The following OR6N1 variants were observed in gnomAD, a reference collection of about 807,000 sequenced individuals.
The protein encoded by OR6N1 is olfactory receptor family 6 subfamily N member 1.
For missense variants in OR6N1, 394 were observed against 371.7 expected (o/e 1.06, Z -0.49); for synonymous variants, 170 against 150.7 (o/e 1.13, Z -0.94).
the OR6N1 span, among the ~76,000 whole-genome samples, chr1:158,821,278 C>T: frequency 2.6e-5 from 4 of 152,298 alleles, no homozygotes; most frequent in Middle Eastern, 3.4e-3. Flanking sequence ...CAGAGGGGTA[C>T]ATTTGTTACA....
the OR6N1 span, among the ~76,000 whole-genome samples, chr1:158,795,686 C>T: frequency 8.1e-4 from 124 of 152,306 alleles, no homozygotes; most frequent in Non-Finnish European, 1.4e-3. Context: ...AGGGATAAGG[C>T]CTTCCCCCAT....
the OR6N1 span, among the ~76,000 whole-genome samples, chr1:158,811,998 T>G: frequency 1.1e-4 from 16 of 152,212 alleles, no homozygotes; most frequent in Admixed American, 1.0e-3. Flanking sequence ...AAGCCAAGAT[T>G]CCACTTCATC....
chr1:158,777,641 G>C, the OR6N1 span: 4 of 1,582,676 alleles, frequency 2.5e-6, no homozygotes, highest in Admixed American at 5.2e-5. Context: ...TCCATGGGAG[G>C]CTGAGGTAAA....
chr1:158,815,941 G>T, the OR6N1 span, among the ~76,000 whole-genome samples: 1 of 152,072 alleles, frequency 6.6e-6, no homozygotes, highest in Admixed American at 6.6e-5. Context: ...AGATCACGAG[G>T]TCAGGAGATC....
chr1:158,804,892 C>T, the OR6N1 span, among the ~76,000 whole-genome samples: 2 of 152,172 alleles, frequency 1.3e-5, no homozygotes, highest in Admixed American at 6.5e-5. Context: ...AACACTGTTG[C>T]TTCCCTTAAG....
chr1:158,777,626 A>T, the OR6N1 span: 3 of 1,609,910 alleles, frequency 1.9e-6, no homozygotes, highest in Admixed American at 1.7e-5. Context: ...GAATGGTTGT[A>T]TTGATCCATG....
At chr1:158,829,653 C>T in the OR6N1 span, among the ~76,000 whole-genome samples, 2 of 152,218 alleles carry the variant, frequency 1.3e-5, no homozygotes, top group East Asian at 1.9e-4. Context: ...TACCTGCTAC[C>T]TGTTACCCAG....
At chr1:158,786,751 T>C in the OR6N1 span, among the ~76,000 whole-genome samples, 1 of 152,278 alleles carries the variant, frequency 6.6e-6, no homozygotes, top group East Asian at 1.9e-4. Flanking sequence ...AATGGAAAAC[T>C]AAATATCATA....
upstream of OR6N1, chr1:158,775,163 C>A (rs1430906909): frequency 6.6e-6 from 1 of 152,116 alleles, no homozygotes; most frequent in East Asian, 1.9e-4. Flanking sequence ...AATTGCCATA[C>A]ATATTTTGAA....
chr1:158,826,006 A>C, the OR6N1 span, among the ~76,000 whole-genome samples: 1 of 152,194 alleles, frequency 6.6e-6, no homozygotes, highest in African/African-American at 2.4e-5. Flanking sequence ...CCATTATTCT[A>C]AGCAAACTGA....
the OR6N1 span, among the ~76,000 whole-genome samples, chr1:158,786,821 A>G: frequency 1.2e-4 from 18 of 152,218 alleles, no homozygotes; most frequent in Admixed American, 5.2e-4. Flanking sequence ...GAATGACACA[A>G]TGGACTTTGG....
At chr1:158,768,614 A>G (rs1462540277) in intron 1 of OR6N1, among the ~76,000 whole-genome samples, 1 of 152,250 alleles carries the variant, frequency 6.6e-6, no homozygotes, top group East Asian at 1.9e-4. Flanking sequence ...ATTCTAAATT[A>G]GGTTCTGCGT....
the OR6N1 span, among the ~76,000 whole-genome samples, chr1:158,828,900 G>T: frequency 6.6e-6 from 1 of 152,188 alleles, no homozygotes; most frequent in Admixed American, 6.5e-5. Flanking sequence ...TGACTTCTCT[G>T]CACTCTCAGG....
At chr1:158,821,913 G>A in the OR6N1 span, among the ~76,000 whole-genome samples, 944 of 152,220 alleles carry the variant, frequency 6.2e-3, 5 homozygotes, top group East Asian at 0.027. Flanking sequence ...TAAGAGTTCC[G>A]TTACTCCACA....
the OR6N1 span, among the ~76,000 whole-genome samples, chr1:158,787,843 A>G: frequency 6.6e-6 from 1 of 152,164 alleles, no homozygotes; most frequent in Non-Finnish European, 1.5e-5. Flanking sequence ...TTCCCCCACA[A>G]GTTTTCTCTT....
At chr1:158,804,776 T>C in the OR6N1 span, among the ~76,000 whole-genome samples, 1 of 152,126 alleles carries the variant, frequency 6.6e-6, no homozygotes, top group African/African-American at 2.4e-5. Flanking sequence ...ATGTGAGAAA[T>C]AGGGAAATTC....
At position 158,766,179 on chromosome 1, in the gene OR6N1, G is replaced by A; in HGVS notation, c.504C>T (p.Phe168=). The change falls in exon 2 of 2, where the codon TTC becomes TTT. Residue 168 remains phenylalanine, a synonymous_variant. Coordinates refer to ENST00000641846, the MANE Select transcript of OR6N1 (RefSeq NM_001005185.2). ...CGTGCTGAATGCGATTGGGGCCACA[G>A]AATGGGAGGCGTGAAATCAAGGAAA... ...VEISLISRLP[F]CGPNRIQHVF... 6.2e-7 allele frequency: 1 copy of A among 1,614,176 alleles called. No homozygotes were observed.
the OR6N1 span, among the ~76,000 whole-genome samples, chr1:158,801,175 G>A: frequency 6.6e-6 from 1 of 151,828 alleles, no homozygotes; most frequent in Non-Finnish European, 1.5e-5. Flanking sequence ...GTGTGTGTGT[G>A]TGTGTGTGTG....
At chr1:158,804,493 G>A in the OR6N1 span, among the ~76,000 whole-genome samples, 1 of 152,170 alleles carries the variant, frequency 6.6e-6, no homozygotes, top group African/African-American at 2.4e-5. Context: ...AGAAAGGTGA[G>A]ATCTAAAATT....
Sources: allele counts gnomAD v4.1 joint callset (sites outside exome capture counted in the v4.1 genomes callset), GRCh38; gene constraint gnomAD v4.1.1; transcripts MANE v1.5; gene names NCBI Gene and HGNC (gene_info 2026-07-23, HGNC 2026-07-21).